The following CNNM4 variants were observed in gnomAD, a reference collection of about 807,000 sequenced individuals.
CNNM4 encodes the protein metal transporter CNNM4.
CNNM4 carries 32 observed loss-of-function variants against 53.7 expected under a neutral mutation model. The ratio of observed to expected loss-of-function variants is 0.60; its 90% CI spans 0.45 to 0.80. CNNM4 has a LOEUF of 0.80. Among genes scored for constraint, CNNM4 ranks in the 30% least tolerant of loss-of-function variants. CNNM4 has a pLI of 0.00. For missense variants in CNNM4, 784 were observed against 1,022.0 expected (o/e 0.77, Z 3.17); for synonymous variants, 410 against 440.0 (o/e 0.93, Z 0.85).
Position 96,760,986 on chromosome 2 carries a change from A to G in CNNM4, c.-14A>G, listed in dbSNP as rs545205153. 3.7e-6 allele frequency: 4 copies of G among 1,094,894 alleles called. No homozygotes were observed. The highest frequency in any genetic ancestry group is 8.6e-5 in the South Asian group (2 of 23,132). The allele number at this position is 1,094,894 out of a possible 1,614,324, so 67.8% of individuals were successfully genotyped here. The stretch of plus-strand genomic sequence containing the variant: ...TGGCGCGGGGAGCGGCGGCGGCGGC[A>G]GAGCCAGAGCAACATGGCGCCGGTG... On this transcript the variant is annotated 5_prime_UTR_variant, in exon 1 of 7. Coordinates refer to ENST00000377075, the MANE Select transcript of CNNM4 (RefSeq NM_020184.4).
rs1435833388 is a variant in CNNM4, at chr2:96,761,456, C to T, written c.457C>T (p.Arg153Trp). The change falls in exon 1 of 7, where the codon CGG becomes TGG. Residue 153 changes from arginine to tryptophan, a missense_variant. Around this residue, in one of 3 missense-constraint regions of CNNM4, gnomAD observed 473 missense variants for 624.6 expected, o/e 0.76. Transcript: ENST00000377075. This position sits in a 1 kb window ranked among gnomAD's most constrained non-coding sequence, Gnocchi z 6.0. ...CATGAAGCTGTATGCACTGTGCACC[C>T]GGGCCCAGCCCGACGGGCCCTGGCT... is the stretch of plus-strand genomic sequence containing the variant. ...ESMKLYALCT[R>W]AQPDGPWLKW... 1.2e-6 allele frequency: 2 copies of T among 1,614,132 alleles called. No individual in the cohort carries two copies. Among genetic ancestry groups the T allele is most frequent in the African/African-American group, 1.3e-5 (1 of 75,054 alleles).
At chr2:96,803,894 G>GT (rs916366734) in intron 5 of CNNM4, among the ~76,000 whole-genome samples, 13 of 152,120 alleles carry the variant, frequency 8.5e-5, no homozygotes, top group Middle Eastern at 3.4e-3. Context: ...TAGGACCTCT[G>GT]TTTTTTTGTT....
At position 96,802,657 on chromosome 2, in the gene CNNM4, G is replaced by A. The variant is rs1574083872; in HGVS notation, c.1948+3009G>A. Among the ~76,000 whole-genome samples the A allele has an allele frequency of 5.9e-5, 9 of 152,360 alleles. 1 individual carries two copies. The South Asian group carries it at 1.9e-3, about 32-fold the overall frequency. Reference sequence around the variant, plus strand: ...TAAGAGTTATCAGGAGAGTACGTGAGAGAATTCATGTAAAATGTTGAGTTA... The same window carrying A: ...TAAGAGTTATCAGGAGAGTACGTGAAAGAATTCATGTAAAATGTTGAGTTA... On this transcript the variant is annotated intron_variant, in intron 5 of 6. Coordinates refer to ENST00000377075, the MANE Select transcript of CNNM4 (RefSeq NM_020184.4).
Position 96,771,304 on chromosome 2 carries a change from T to A in CNNM4, c.1402+8903T>A, listed in dbSNP as rs1474365310. On this transcript the variant is annotated intron_variant, in intron 1 of 6. Coordinates refer to ENST00000377075, the MANE Select transcript of CNNM4 (RefSeq NM_020184.4). Reference sequence around the variant, plus strand: ...TGTTAGATGATTTTCTTTTTTTTTTTTTTTATTTTGTTATTAGTGTTTATT... The same window carrying A: ...TGTTAGATGATTTTCTTTTTTTTTTATTTTATTTTGTTATTAGTGTTTATT... Among the ~76,000 whole-genome samples, 7 of 152,262 alleles carry A rather than the reference T, an allele frequency of 4.6e-5. No individual in the cohort carries two copies. In the East Asian group the frequency reaches 9.6e-4, roughly 21 times the overall value.
intron 1 of CNNM4, among the ~76,000 whole-genome samples, chr2:96,783,095 C>A (rs2078988550): frequency 1.3e-5 from 2 of 151,968 alleles, no homozygotes; most frequent in Admixed American, 1.3e-4. Flanking sequence ...GGTTGATTTG[C>A]CTGTGGATTA....
chr2:96,784,233 C>T (rs1215380517), intron 1 of CNNM4, among the ~76,000 whole-genome samples: 1 of 152,120 alleles, frequency 6.6e-6, no homozygotes, highest in African/African-American at 2.4e-5. Context: ...TGCCACTGCA[C>T]TCTAGCCTGG....
At chr2:96,763,728 G>A (rs980913284) in intron 1 of CNNM4, among the ~76,000 whole-genome samples, 2 of 152,186 alleles carry the variant, frequency 1.3e-5, no homozygotes, top group African/African-American at 4.8e-5. Context: ...GTGGTGGGTT[G>A]GTACCCTCCT....
intron 1 of CNNM4, among the ~76,000 whole-genome samples, chr2:96,788,200 GGCATGA>G (rs1238855543): frequency 1.3e-5 from 2 of 151,892 alleles, no homozygotes; most frequent in African/African-American, 4.8e-5. Flanking sequence ...TGGGATTACA[GGCATGA>G]GCCACAGTGC....
intron 1 of CNNM4, among the ~76,000 whole-genome samples, chr2:96,795,610 G>T (rs1382003497): frequency 6.6e-6 from 1 of 152,078 alleles, no homozygotes; most frequent in Non-Finnish European, 1.5e-5. Context: ...TGGGCTGGGG[G>T]ATTTTCTGTG....
At chr2:96,779,660 TG>T (rs1327873527) in intron 1 of CNNM4, among the ~76,000 whole-genome samples, 1 of 152,206 alleles carries the variant, frequency 6.6e-6, no homozygotes, top group Non-Finnish European at 1.5e-5. Flanking sequence ...GTAACCATGT[TG>T]GCATAATTGC....
chr2:96,802,626 C>T, intron 5 of CNNM4, among the ~76,000 whole-genome samples: 1 of 152,218 alleles, frequency 6.6e-6, no homozygotes, highest in East Asian at 1.9e-4. Context: ...GCGTGTACCC[C>T]CTTCATAAGA....
At chr2:96,793,496 C>A (rs1420180674) in intron 1 of CNNM4, among the ~76,000 whole-genome samples, 2 of 152,202 alleles carry the variant, frequency 1.3e-5, no homozygotes, top group Non-Finnish European at 2.9e-5. Context: ...GTGCTCAGGG[C>A]TGTACACCTA....
intron 6 of CNNM4, 53 bp from the exon 7 acceptor site, chr2:96,809,267 T>C: frequency 6.2e-7 from 1 of 1,608,596 alleles, no homozygotes; most frequent in Non-Finnish European, 8.5e-7. Flanking sequence ...GGCCTGGTGA[T>C]AGGGTCTGCC....
rs1196827694 is a variant in CNNM4 at position 96,801,623 on chromosome 2, C to G, written c.1948+1975C>G. On this transcript the variant is annotated intron_variant, in intron 5 of 6. Transcript: ENST00000377075. The surrounding 1 kb of genome is among the most constrained non-coding windows in gnomAD (Gnocchi z 5.6). The stretch of plus-strand genomic sequence containing the variant: ...ACACACAGAGACCACACACAGAGAC[C>G]ACACGCAGAGAGACCACACACATGC... Among the ~76,000 whole-genome samples the G allele has an allele frequency of 2.8e-5, 4 of 142,380 alleles. No individual in the cohort carries two copies. Among genetic ancestry groups the G allele is most frequent in the Non-Finnish European group, 6.1e-5 (4 of 65,988 alleles). The allele number at this position is 142,380 out of a possible 152,430, so 93.4% of individuals were successfully genotyped here.
chr2:96,788,283 C>G (rs1277543083), intron 1 of CNNM4, among the ~76,000 whole-genome samples: 1 of 148,124 alleles, frequency 6.8e-6, no homozygotes, highest in East Asian at 2.0e-4. Context: ...GAGACAGGGT[C>G]TCACTCTGTC....
rs2079245636 is a variant in CNNM4, at chr2:96,810,250, T to G, written c.*733T>G. 6.5e-6 allele frequency: 1 copy of G among 152,826 alleles called. No homozygotes were observed. Among genetic ancestry groups the G allele is most frequent in the Non-Finnish European group, 1.5e-5 (1 of 68,154 alleles). 9.5% of individuals were successfully genotyped at this position (152,826 alleles called of 1,614,324 possible). A position where few individuals can be genotyped will look rare whatever the true frequency, so the allele number is the denominator to read the frequency against. ...CTAGAACTCTGCCGACAGCCTCTCC[T>G]GGTGAGTCGGGACTCAGCTGAGGAC... On this transcript the variant is annotated 3_prime_UTR_variant, in exon 7 of 7. Transcript: ENST00000377075. This position sits in a 1 kb window ranked among gnomAD's most constrained non-coding sequence, Gnocchi z 4.1.
At chr2:96,776,714 G>A (rs537873438) in intron 1 of CNNM4, among the ~76,000 whole-genome samples, 1 of 152,250 alleles carries the variant, frequency 6.6e-6, no homozygotes, top group East Asian at 1.9e-4. Flanking sequence ...ATGGGTTTAA[G>A]CAATTCTCCT....
rs1407263216 is a variant in CNNM4, at chr2:96,811,763, G to A, written c.*2246G>A. The A allele has an allele frequency of 2.0e-5, 3 of 152,456 alleles. No homozygotes were observed. The highest frequency in any genetic ancestry group is 2.1e-4 in the South Asian group (1 of 4,808). 9.4% of individuals were successfully genotyped at this position (152,456 alleles called of 1,614,324 possible). On this transcript the variant is annotated 3_prime_UTR_variant, in exon 7 of 7. Coordinates refer to ENST00000377075, the MANE Select transcript of CNNM4 (RefSeq NM_020184.4). Reference sequence around the variant, plus strand: ...TTTTGGCGTTATGAGTTTGACTCTCGGGGAGTTTTGTTGTTATGACTCTTG... The same window carrying A: ...TTTTGGCGTTATGAGTTTGACTCTCAGGGAGTTTTGTTGTTATGACTCTTG...
chr2:96,781,265 C>T (rs2078973456), intron 1 of CNNM4, among the ~76,000 whole-genome samples: 1 of 152,092 alleles, frequency 6.6e-6, no homozygotes, highest in Admixed American at 6.5e-5. Flanking sequence ...AGGCGTGAGC[C>T]ACCGTGCCCG....
Sources: gnomAD v4.1 joint callset for allele counts (sites outside exome capture counted in the v4.1 genomes callset) on GRCh38, gnomAD v4.1.1 for gene constraint, gnomAD v4.1.1 regional missense constraint, Gnocchi (gnomAD v3.1) non-coding constraint, MANE v1.5 for transcripts, NCBI Gene and HGNC (gene_info 2026-07-23, HGNC 2026-07-21) for gene names.